KIF27: variants seen among roughly 807,000 people sequenced by gnomAD.
The protein encoded by KIF27 is kinesin-like protein KIF27.
In KIF27, 84 loss-of-function variants were observed where a neutral mutation model predicts 141.8. The observed-to-expected ratio is 0.59, with a 90% confidence interval of 0.50 to 0.71. The LOEUF (loss-of-function observed/expected upper bound fraction) is 0.71, where lower values mean the gene tolerates loss of function less well. KIF27 is among the 30% of genes least tolerant of loss of function. The pLI, the probability that KIF27 is intolerant of heterozygous loss-of-function variation, is 0.00. For synonymous variants in KIF27, 471 were observed against 569.5 expected, an observed-to-expected ratio of 0.83 and a Z score of 2.46; for missense variants, 1,306 against 1,628.4, an observed-to-expected ratio of 0.80 and a Z score of 3.41.
In KIF27 at chr9:83,903,063, G is replaced by GC; in HGVS notation, c.1454dup (p.Cys485TrpfsTer8). ...TAAATAAGTGATGTCTAAGTACCTG[G>GC]CATTTCTTAAGCTCTCTCTTCAGCT... On this transcript the variant is annotated frameshift_variant, in exon 4 of 18. Coordinates refer to ENST00000297814, the MANE Select transcript of KIF27 (RefSeq NM_017576.4). LOFTEE classifies it high-confidence loss of function. The GC allele has an allele frequency of 6.3e-7, 1 of 1,586,042 alleles. No homozygotes were observed. The highest frequency in any genetic ancestry group is 8.6e-7 in the Non-Finnish European group (1 of 1,159,362).
At chr9:83,881,605 G>A (rs1307726312) in intron 10 of KIF27, among the ~76,000 whole-genome samples, 1 of 152,214 alleles carries the variant, frequency 6.6e-6, no homozygotes, top group African/African-American at 2.4e-5. Flanking sequence ...CAAGGAAGCT[G>A]TGCAATGACT....
intron 3 of KIF27, among the ~76,000 whole-genome samples, chr9:83,906,296 T>A (rs1365719970): frequency 1.3e-5 from 2 of 152,206 alleles, no homozygotes; most frequent in East Asian, 3.8e-4. Flanking sequence ...GACAGGGCTA[T>A]AAAGATGCAA....
chr9:83,894,872 TG>T (rs1953029350), intron 5 of KIF27, among the ~76,000 whole-genome samples: 1 of 152,180 alleles, frequency 6.6e-6, no homozygotes, highest in African/African-American at 2.4e-5. Context: ...AGGGTGGTTT[TG>T]GGGAACCCCC....
intron 11 of KIF27, among the ~76,000 whole-genome samples, chr9:83,879,755 CTGAG>C (rs1429855074): frequency 6.6e-6 from 1 of 152,156 alleles, no homozygotes; most frequent in Non-Finnish European, 1.5e-5. Context: ...CAGCCAGCAA[CTGAG>C]TGAGCTAGGA....
chr9:83,844,461 T>C (rs1947001691), intron 16 of KIF27, among the ~76,000 whole-genome samples: 1 of 151,966 alleles, frequency 6.6e-6, no homozygotes, highest in Non-Finnish European at 1.5e-5. Flanking sequence ...ATATTAAGGA[T>C]GGAGTTCTTT....
At chr9:83,884,590 A>G (rs1229677207) in intron 9 of KIF27, among the ~76,000 whole-genome samples, 1 of 152,202 alleles carries the variant, frequency 6.6e-6, no homozygotes, top group Non-Finnish European at 1.5e-5. Context: ...TCACCTATAC[A>G]TACTTCATTT....
chr9:83,859,942 G>C lies in KIF27; in HGVS notation c.2935-571C>G, dbSNP rs1341048248. The C allele has an allele frequency of 2.6e-5, 4 of 151,942 alleles. No homozygotes were observed. In the East Asian group the frequency reaches 7.7e-4, roughly 29 times the overall value. 9.4% of individuals were successfully genotyped at this position (151,942 alleles called of 1,614,324 possible). ...TGCCTTGACTAGGTTTTCAGAGGCA[G>C]TATTTTTCTTTTTCCTTATTTTCTA... On this transcript the variant is annotated intron_variant, in intron 13 of 17. Transcript: ENST00000297814.
intron 16 of KIF27, among the ~76,000 whole-genome samples, chr9:83,844,884 C>G (rs1011176957): frequency 2.0e-5 from 3 of 152,188 alleles, no homozygotes; most frequent in African/African-American, 4.8e-5. Flanking sequence ...AGGCACAATG[C>G]CTAGTGGGCC....
chr9:83,881,743 T>C (rs1381255018), intron 10 of KIF27, among the ~76,000 whole-genome samples: 2 of 152,246 alleles, frequency 1.3e-5, no homozygotes, highest in South Asian at 2.1e-4. Context: ...CCACTTACAA[T>C]TGACAGTAAT....
intron 13 of KIF27, among the ~76,000 whole-genome samples, chr9:83,860,612 C>G (rs1275272483): frequency 6.6e-6 from 1 of 152,194 alleles, no homozygotes; most frequent in Non-Finnish European, 1.5e-5. Context: ...TCTTCTCCAA[C>G]AGAACTATAA....
chr9:83,902,035 CTT>C (rs1191823458), intron 4 of KIF27, among the ~76,000 whole-genome samples: 4 of 152,286 alleles, frequency 2.6e-5, no homozygotes, highest in African/African-American at 9.6e-5. Context: ...AACAAAAGCT[CTT>C]TGAGGGATCT....
chr9:83,876,452 G>T (rs577974464), intron 11 of KIF27, among the ~76,000 whole-genome samples: 1 of 152,278 alleles, frequency 6.6e-6, no homozygotes, highest in African/African-American at 2.4e-5. Context: ...CATGCTCGTG[G>T]ATAAGAAAAT....
At chr9:83,869,268 A>G (rs1158004293) in intron 12 of KIF27, among the ~76,000 whole-genome samples, 1 of 152,160 alleles carries the variant, frequency 6.6e-6, no homozygotes, top group Non-Finnish European at 1.5e-5. Flanking sequence ...TATTTTAAAT[A>G]CAGTATTTTT....
At chr9:83,907,833 A>C (rs902353656) in intron 3 of KIF27, among the ~76,000 whole-genome samples, 2 of 152,242 alleles carry the variant, frequency 1.3e-5, no homozygotes, top group African/African-American at 2.4e-5. Flanking sequence ...ATACAAAAAC[A>C]AATTTAGCCT....
chr9:83,836,341 G>C lies in KIF27; in HGVS notation c.*660C>G, dbSNP rs2131408885. Among the ~76,000 whole-genome samples, 1 of 152,180 alleles carries C rather than the reference G, an allele frequency of 6.6e-6. No homozygotes were observed. Among genetic ancestry groups the C allele is most frequent in the African/African-American group, 2.4e-5 (1 of 41,532 alleles). On this transcript the variant is annotated 3_prime_UTR_variant, in exon 18 of 18. Coordinates refer to ENST00000297814, the MANE Select transcript of KIF27 (RefSeq NM_017576.4). The stretch of plus-strand genomic sequence containing the variant: ...TAATGAGAGATATATTGAGTGTATA[G>C]AGCAGGAAAGACATGAAAACTTATA...
intron 2 of KIF27, among the ~76,000 whole-genome samples, chr9:83,910,787 A>G (rs1028447548): frequency 1.9e-4 from 29 of 152,308 alleles, no homozygotes; most frequent in African/African-American, 7.0e-4. Context: ...TTCTGCTCCC[A>G]CTTGTTTCAA....
In KIF27 at chr9:83,835,236, T is replaced by C. The variant is rs1945697686; in HGVS notation, c.*1765A>G. 6.6e-6 allele frequency among the ~76,000 whole-genome samples: 1 copy of C among 150,788 alleles called. No homozygotes were observed. On this transcript the variant is annotated 3_prime_UTR_variant, in exon 18 of 18. Coordinates refer to ENST00000297814, the MANE Select transcript of KIF27 (RefSeq NM_017576.4). Reference sequence around the variant, plus strand: ...TCAGTGCATTTATACATATTTATAATGTGTATGTTTTACCTTTGGTTTGTA... The same window carrying C: ...TCAGTGCATTTATACATATTTATAACGTGTATGTTTTACCTTTGGTTTGTA...
At chr9:83,844,232 C>G (rs1345992019) in intron 16 of KIF27, among the ~76,000 whole-genome samples, 1 of 148,586 alleles carries the variant, frequency 6.7e-6, no homozygotes, top group Admixed American at 6.7e-5. Flanking sequence ...CCTTGCTCCT[C>G]AAGCTTGCAG....
At chr9:83,854,676 C>G (rs1296876321) in intron 14 of KIF27, among the ~76,000 whole-genome samples, 2 of 152,198 alleles carry the variant, frequency 1.3e-5, no homozygotes, top group African/African-American at 2.4e-5. Flanking sequence ...GCTGGGACTA[C>G]AGGCACATGC....
Sources: gnomAD v4.1 joint callset for allele counts (sites outside exome capture counted in the v4.1 genomes callset) on GRCh38, gnomAD v4.1.1 for gene constraint, MANE v1.5 for transcripts, NCBI Gene and HGNC (gene_info 2026-07-23, HGNC 2026-07-21) for gene names.